Variants in POLE2 observed in about 807,000 individuals in gnomAD.
POLE2 encodes the protein DNA polymerase epsilon 2, accessory subunit.
A neutral mutation model predicts 79.4 loss-of-function variants in POLE2; 56 were observed. That is an observed-to-expected ratio of 0.71 (90% CI 0.57 to 0.88). The LOEUF (loss-of-function observed/expected upper bound fraction) is 0.88, where lower values mean the gene tolerates loss of function less well. Ranked by LOEUF, POLE2 falls within the 40% of genes least tolerant of loss-of-function variation. The pLI is 0.00. For missense variants in POLE2, 598 were observed against 638.9 expected (o/e 0.94, Z 0.69); for synonymous variants, 212 against 214.0 (o/e 0.99, Z 0.08).
chr14:49,656,941 C>T (rs967405874), intron 10 of POLE2, among the ~76,000 whole-genome samples: 9 of 152,006 alleles, frequency 5.9e-5, no homozygotes, highest in African/African-American at 2.2e-4. Flanking sequence ...AAATCCACCC[C>T]ATCTCTATTA....
chr14:49,669,337 T>C (rs909158126), intron 6 of POLE2, among the ~76,000 whole-genome samples, 187 bp downstream of exon 6: 3 of 152,236 alleles, frequency 2.0e-5, no homozygotes, highest in African/African-American at 7.2e-5. Flanking sequence ...CAGTAGCTTC[T>C]GTTAGAGATT....
intron 17 of POLE2, among the ~76,000 whole-genome samples, chr14:49,649,753 AG>A (rs1180872743): frequency 6.6e-6 from 1 of 152,208 alleles, no homozygotes; most frequent in Admixed American, 6.5e-5. Context: ...CTGGCCTAAA[AG>A]TCAATTATAT....
chr14:49,687,528 C>A (rs1887241110), intron 1 of POLE2, among the ~76,000 whole-genome samples: 1 of 151,960 alleles, frequency 6.6e-6, no homozygotes, highest in Admixed American at 6.6e-5. Context: ...TTCCCGGGAG[C>A]CTGAGAGCTG....
At chr14:49,677,989 ATTTTATTTATTTTATT>A in intron 3 of POLE2, 1 of 174,710 alleles carries the variant, frequency 5.7e-6, no homozygotes, top group Non-Finnish European at 1.1e-5. Flanking sequence ...TCTTTATTTT[ATTTTATTTATTTTATT>A]TTTTTTTTTT....
In POLE2 at chr14:49,687,292, C is replaced by T. The variant is rs981395685; in HGVS notation, c.68+844G>A. 1.3e-3 allele frequency among the ~76,000 whole-genome samples: 147 copies of T among 110,026 alleles called. 1 individual carries two copies. The East Asian group carries it at 0.017, about 13-fold the overall frequency. 72.2% of individuals were successfully genotyped at this position (110,026 alleles called of 152,430 possible). ...AAAAAAAAATACATATATATATATACACACACACCACACACACACACACAC... is the reference window on the plus strand; with the variant it reads ...AAAAAAAAATACATATATATATATATACACACACCACACACACACACACAC... On this transcript the variant is annotated intron_variant, in intron 1 of 18. Transcript: ENST00000216367.
At chr14:49,687,052 G>A (rs151175969) in intron 1 of POLE2, among the ~76,000 whole-genome samples, 133 of 152,142 alleles carry the variant, frequency 8.7e-4, no homozygotes, top group Admixed American at 2.4e-3. Context: ...GGGAGGCCAC[G>A]GCGCGAGGAC....
intron 3 of POLE2, 62 bp from the exon 4 acceptor site, chr14:49,674,489 A>G: frequency 1.1e-6 from 1 of 932,582 alleles, no homozygotes; most frequent in Non-Finnish European, 1.7e-6. Flanking sequence ...CTAGGTGAAC[A>G]TGATAACTTG....
At chr14:49,687,190 A>G (rs1389997662) in intron 1 of POLE2, among the ~76,000 whole-genome samples, 1 of 151,700 alleles carries the variant, frequency 6.6e-6, no homozygotes, top group Non-Finnish European at 1.5e-5. Context: ...ACTTCAGCCC[A>G]GGAGGTTGAG....
At chr14:49,677,474 C>T in intron 3 of POLE2, 1 of 476,182 alleles carries the variant, frequency 2.1e-6, no homozygotes. Context: ...AGTTTTAATA[C>T]ACTTGGATGC....
In POLE2 at chr14:49,643,752, G is replaced by A. The variant is rs1013235985; in HGVS notation, c.1566-82C>T. 10 of 670,114 alleles carry A rather than the reference G, an allele frequency of 1.5e-5. No individual in the cohort carries two copies. In the African/African-American group the frequency reaches 1.7e-4, roughly 12 times the overall value. The allele number at this position is 670,114 out of a possible 1,614,324, so 41.5% of individuals were successfully genotyped here. The stretch of plus-strand genomic sequence containing the variant: ...AGTTGTAGTTAATTTTTTTAAATAG[G>A]TATAGTTAATTGATTTTTAAAAACA... On this transcript the variant is annotated intron_variant, in intron 18 of 18. Coordinates refer to ENST00000216367, the MANE Select transcript of POLE2 (RefSeq NM_002692.4).
At chr14:49,678,666 A>T (rs1886482988) in intron 3 of POLE2, among the ~76,000 whole-genome samples, 1 of 151,566 alleles carries the variant, frequency 6.6e-6, no homozygotes, top group African/African-American at 2.4e-5. Flanking sequence ...TATTTTATGT[A>T]TTTTTTTTGA....
At position 49,652,556 on chromosome 14, in the gene POLE2, C is replaced by T. The variant is rs118162114; in HGVS notation, c.1212-1179G>A. On this transcript the variant is annotated intron_variant, in intron 15 of 18. Transcript: ENST00000216367. Reference sequence around the variant, plus strand: ...TTGTATTACATCCTGACCTCTGCCTCCTGTCAGATCAGCAGGGGCATTAGA... The same window carrying T: ...TTGTATTACATCCTGACCTCTGCCTTCTGTCAGATCAGCAGGGGCATTAGA... Among the ~76,000 whole-genome samples the T allele has an allele frequency of 6.0e-3, 916 of 152,236 alleles. 3 individuals are homozygous for T. Among genetic ancestry groups the T allele is most frequent in the Middle Eastern group, 0.041 (12 of 294 alleles).
chr14:49,665,107 AG>A lies in POLE2; in HGVS notation c.632del (p.Ala211ValfsTer15), dbSNP rs2093510741. The A allele has an allele frequency of 7.5e-7, 1 of 1,333,772 alleles. No individual in the cohort carries two copies. The highest frequency in any genetic ancestry group is 1.5e-5 in the African/African-American group (1 of 67,112). 82.6% of individuals were successfully genotyped at this position (1,333,772 alleles called of 1,614,324 possible). A position where few individuals can be genotyped will look rare whatever the true frequency, so the allele number is the denominator to read the frequency against. ...TGTVQLDLSK[A>X]QFHSGLYTEA... ...AAAAATACAGACAAGTGAAGGATAT[AG>A]CTTTACTAAGGTCTAGTTGGACTGT... is the stretch of plus-strand genomic sequence containing the variant. On this transcript the variant is annotated frameshift_variant and splice_region_variant, in exon 8 of 19. Transcript: ENST00000216367. LOFTEE classifies it high-confidence loss of function.
intron 3 of POLE2, chr14:49,677,242 T>C (rs1340077985): frequency 6.9e-6 from 5 of 726,348 alleles, no homozygotes; most frequent in South Asian, 1.6e-5. Flanking sequence ...TCTGAGGGAG[T>C]AGGGTGCTAA....
chr14:49,672,788 T>C lies in POLE2; in HGVS notation c.417+1335A>G, dbSNP rs1022376733. 3.9e-5 allele frequency among the ~76,000 whole-genome samples: 6 copies of C among 152,102 alleles called. No homozygotes were observed. In the South Asian group the frequency reaches 6.2e-4, roughly 16 times the overall value. ...TGCTGGGATTACAGGCGTGAGCCAC[T>C]GCGCCTAGCCTCCCTCTTGTCTTTT... On this transcript the variant is annotated intron_variant, in intron 5 of 18. Coordinates refer to ENST00000216367, the MANE Select transcript of POLE2 (RefSeq NM_002692.4).
chr14:49,644,442 G>A (rs983063397), intron 18 of POLE2, among the ~76,000 whole-genome samples: 6 of 150,774 alleles, frequency 4.0e-5, no homozygotes, highest in African/African-American at 9.7e-5. Flanking sequence ...CCCAGAAGGC[G>A]GAGGTTGCAG....
chr14:49,667,060 C>T (rs183887354), intron 6 of POLE2, among the ~76,000 whole-genome samples: 4 of 151,812 alleles, frequency 2.6e-5, no homozygotes, highest in Admixed American at 1.3e-4. Context: ...TGGTGGCAGG[C>T]GCCTGTAGTC....
In POLE2 at chr14:49,651,501, A is replaced by G. The variant is rs1391242615; in HGVS notation, c.1212-124T>C. 9 of 517,868 alleles carry G rather than the reference A, an allele frequency of 1.7e-5. No homozygotes were observed. In the East Asian group the frequency reaches 2.4e-4, roughly 14 times the overall value. The allele number at this position is 517,868 out of a possible 1,614,324, so 32.1% of individuals were successfully genotyped here. A position where few individuals can be genotyped will look rare whatever the true frequency, so the allele number is the denominator to read the frequency against. The stretch of plus-strand genomic sequence containing the variant: ...CTGTTCACCACACAAAACTTCAACC[A>G]GAGTCTGTCTATTCATCTATTCATT... On this transcript the variant is annotated intron_variant, in intron 15 of 18. Transcript: ENST00000216367.
chr14:49,646,302 G>GTTTTTTGT (rs1883758326), intron 18 of POLE2, among the ~76,000 whole-genome samples: 1 of 84,556 alleles, frequency 1.2e-5, no homozygotes, highest in South Asian at 5.2e-4. Context: ...TTTTTTGTTG[G>GTTTTTTGT]TTTTTTTTTT....
Sources: allele counts gnomAD v4.1 joint callset (sites outside exome capture counted in the v4.1 genomes callset), GRCh38; gene constraint gnomAD v4.1.1; transcripts MANE v1.5; gene names NCBI Gene and HGNC (gene_info 2026-07-23, HGNC 2026-07-21).